The following PYY variants were observed in gnomAD, a reference collection of about 807,000 sequenced individuals.
PYY encodes peptide YY.
Under a neutral mutation model 10.3 loss-of-function variants are expected in PYY, and 12 were observed. The ratio of observed to expected loss-of-function variants is 1.17; its 90% CI spans 0.75 to 1.89. The LOEUF is 1.89. PYY is among the 40% of genes most tolerant of loss of function. The pLI, the probability that PYY is intolerant of heterozygous loss-of-function variation, is 0.00. For synonymous variants in PYY, 66 were observed against 62.0 expected (o/e 1.06, Z -0.30); for missense variants, 141 against 134.0 (o/e 1.05, Z -0.26).
At chr17:43,973,520 G>A (rs189384874) in intron 1 of PYY, among the ~76,000 whole-genome samples, 56 of 152,354 alleles carry the variant, frequency 3.7e-4, no homozygotes, top group African/African-American at 1.0e-3. Context: ...AAAGCTGGGC[G>A]TGGTTGCTCA....
intron 1 of PYY, among the ~76,000 whole-genome samples, chr17:44,000,948 C>A (rs1217841820): frequency 6.6e-6 from 1 of 152,154 alleles, no homozygotes; most frequent in Non-Finnish European, 1.5e-5. Flanking sequence ...CCTCTACGTA[C>A]AGATGAGTGT....
In PYY at chr17:43,987,700, A is replaced by G. The variant is rs2048924297; in HGVS notation, c.-463+16691T>C. On this transcript the variant is annotated intron_variant, in intron 1 of 6. Transcript: ENST00000360085. The surrounding 1 kb of genome is among the most constrained non-coding windows in gnomAD (Gnocchi z 4.0). ...ATTCACTGGGCCCCTCGTCTGTGCC[A>G]GTCCTTGCTCCAGGCACTGAGAGGA... Among the ~76,000 whole-genome samples the G allele has an allele frequency of 6.6e-6, 1 of 152,230 alleles. No homozygotes were observed. The highest frequency in any genetic ancestry group is 1.5e-5 in the Non-Finnish European group (1 of 68,042).
intron 1 of PYY, among the ~76,000 whole-genome samples, chr17:44,003,673 A>AC (rs199579754): frequency 0.028 from 4,133 of 145,092 alleles, 150 homozygotes; most frequent in African/African-American, 0.11. Context: ...AAACAAACAA[A>AC]AAAAAAAAAA....
At chr17:43,984,391 TC>T (rs1368230268) in intron 1 of PYY, among the ~76,000 whole-genome samples, 1 of 152,132 alleles carries the variant, frequency 6.6e-6, no homozygotes, top group Non-Finnish European at 1.5e-5. Flanking sequence ...ACAGCTACCA[TC>T]GACACCACCC....
At chr17:43,979,235 G>A (rs577865439) in intron 1 of PYY, among the ~76,000 whole-genome samples, 4 of 152,178 alleles carry the variant, frequency 2.6e-5, no homozygotes, top group Middle Eastern at 3.2e-3. Context: ...GCCCCATCCC[G>A]AACCTACTGA....
upstream of PYY, chr17:43,958,085 G>C (rs1175183780): frequency 8.1e-6 from 1 of 123,584 alleles, no homozygotes; most frequent in South Asian, 2.7e-4. Context: ...AGTTTCTGTT[G>C]ACACCGTTAG....
chr17:43,976,177 A>G (rs541953305), intron 1 of PYY, among the ~76,000 whole-genome samples: 3 of 86,952 alleles, frequency 3.5e-5, no homozygotes, highest in Non-Finnish European at 5.5e-5. Flanking sequence ...GCATATATGT[A>G]TATATACGTA....
rs144136634 is a variant in PYY, at chr17:43,991,392, T to C, written c.-463+12999A>G. Among the ~76,000 whole-genome samples the C allele has an allele frequency of 1.2e-3, 190 of 152,030 alleles. 4 individuals carry two copies. The highest frequency in any genetic ancestry group is 4.3e-3 in the African/African-American group (177 of 41,504). ...GTTGCAGTGAGCTGAGATCTTGTCATTGCACTCCAGCCTGGGCAAAAAGAG... is the reference window on the plus strand; with the variant it reads ...GTTGCAGTGAGCTGAGATCTTGTCACTGCACTCCAGCCTGGGCAAAAAGAG... On this transcript the variant is annotated intron_variant, in intron 1 of 6. Coordinates refer to the PYY transcript ENST00000360085.
rs750198347 is a variant in PYY at position 43,953,458 on chromosome 17, G to T, written c.26C>A (p.Pro9His). ...GGCCAGAAGCACTGTGGTCAAGGCG[G>T]GCCACGGCCTGCGCACGAACACCAT... Reference protein sequence around the residue: MVFVRRPWPALTTVLLALL... With the variant: MVFVRRPWHALTTVLLALL... Residue 9 changes from proline (P) to histidine (H), a missense_variant, in exon 2 of 4, where the codon CCC becomes CAC. Coordinates refer to ENST00000692052, the MANE Select transcript of PYY (RefSeq NM_001394028.1). The T allele has an allele frequency of 1.7e-5, 28 of 1,606,024 alleles. No homozygotes were observed. The highest frequency in any genetic ancestry group is 2.2e-5 in the Non-Finnish European group (26 of 1,175,570).
At chr17:43,963,320 C>T (rs1156229330) in intron 2 of PYY, among the ~76,000 whole-genome samples, 2 of 151,734 alleles carry the variant, frequency 1.3e-5, no homozygotes, top group African/African-American at 4.8e-5. Context: ...CTACTCTGGC[C>T]AACATGGTGA....
intron 1 of PYY, among the ~76,000 whole-genome samples, chr17:43,974,449 T>G (rs971324933): frequency 1.3e-5 from 2 of 152,072 alleles, no homozygotes; most frequent in African/African-American, 4.8e-5. Flanking sequence ...AAAACCTGCT[T>G]CAAACCCTGT....
chr17:43,998,611 C>T (rs968915951), intron 1 of PYY, among the ~76,000 whole-genome samples: 3 of 152,036 alleles, frequency 2.0e-5, no homozygotes, highest in African/African-American at 7.2e-5. Context: ...GTTGTCCAGG[C>T]TGCAGTACAG....
At chr17:43,985,599 A>C (rs528674307) in intron 1 of PYY, among the ~76,000 whole-genome samples, 1 of 152,366 alleles carries the variant, frequency 6.6e-6, no homozygotes, top group East Asian at 1.9e-4. Flanking sequence ...AGGCTGGGTT[A>C]GGGTAAATGT....
chr17:43,966,285 C>T (rs1239561995), intron 2 of PYY: 1 of 153,250 alleles, frequency 6.5e-6, no homozygotes, highest in Non-Finnish European at 1.5e-5. Context: ...GTCAGTAGCT[C>T]ACCCTTATCT....
intron 1 of PYY, among the ~76,000 whole-genome samples, chr17:43,976,380 T>TAC (rs1376447609): frequency 6.6e-6 from 1 of 150,460 alleles, no homozygotes; most frequent in Non-Finnish European, 1.5e-5. Context: ...TATATACACA[T>TAC]ACATGTATAC....
At chr17:43,964,357 T>A (rs991807959) in intron 2 of PYY, among the ~76,000 whole-genome samples, 1 of 152,166 alleles carries the variant, frequency 6.6e-6, no homozygotes, top group Non-Finnish European at 1.5e-5. Context: ...GCCCATAAGC[T>A]TTTCCTGAGG....
intron 1 of PYY, among the ~76,000 whole-genome samples, chr17:43,989,531 CTTG>C (rs767031507): frequency 2.6e-5 from 4 of 152,056 alleles, no homozygotes; most frequent in Admixed American, 6.6e-5. Context: ...CCTCACAACA[CTTG>C]TTGTTAGCCA....
chr17:43,972,176 A>ATTTAT (rs372620054), intron 1 of PYY, among the ~76,000 whole-genome samples: 16,324 of 140,822 alleles, frequency 0.12, 1,951 homozygotes, highest in East Asian at 0.64. Context: ...TTAGTTATTT[A>ATTTAT]TTTATTTTAT....
intron 2 of PYY, among the ~76,000 whole-genome samples, chr17:43,964,756 T>C (rs555207041): frequency 2.6e-5 from 4 of 152,158 alleles, no homozygotes; most frequent in Admixed American, 6.5e-5. Context: ...TGGGCCGAGA[T>C]TGTGCCATTG....
Sources: allele counts gnomAD v4.1 joint callset (sites outside exome capture counted in the v4.1 genomes callset), GRCh38; gene constraint gnomAD v4.1.1; non-coding constraint Gnocchi (gnomAD v3.1); transcripts MANE v1.5; gene names NCBI Gene and HGNC (gene_info 2026-07-23, HGNC 2026-07-21).